The following IGSF5 variants were observed in gnomAD, a reference collection of about 807,000 sequenced individuals.
IGSF5 encodes the protein immunoglobulin superfamily 5 like.
Under a neutral mutation model 39.4 loss-of-function variants are expected in IGSF5, and 41 were observed. The observed-to-expected ratio is 1.04, with a 90% CI of 0.81 to 1.35. The LOEUF is 1.35. Among genes scored for constraint, IGSF5 ranks in the 40% most tolerant of loss-of-function variants. IGSF5 has a pLI of 0.00. For synonymous variants in IGSF5, 183 were observed against 175.3 expected (o/e 1.04, Z -0.34); for missense variants, 487 against 494.6 (o/e 0.98, Z 0.15).
At chr21:39,792,770 T>G (rs566937722) in intron 7 of IGSF5, among the ~76,000 whole-genome samples, 1 of 152,180 alleles carries the variant, frequency 6.6e-6, no homozygotes, top group African/African-American at 2.4e-5. Context: ...AGAGTGATAA[T>G]GCAGTGAGGG....
At chr21:39,767,913 G>C (rs1231348571) in intron 3 of IGSF5, among the ~76,000 whole-genome samples, 1 of 152,206 alleles carries the variant, frequency 6.6e-6, no homozygotes, top group Non-Finnish European at 1.5e-5. Context: ...GAAAGCAAGA[G>C]AGGAGGAGGG....
intron 2 of IGSF5, among the ~76,000 whole-genome samples, chr21:39,751,907 C>T (rs552020552): frequency 1.3e-5 from 2 of 152,272 alleles, no homozygotes; most frequent in East Asian, 1.9e-4. Flanking sequence ...TGGAGTCTTC[C>T]GAGTGCAGGA....
chr21:39,792,545 T>TA (rs397738698), intron 7 of IGSF5, among the ~76,000 whole-genome samples: 3 of 151,806 alleles, frequency 2.0e-5, no homozygotes, highest in Non-Finnish European at 4.4e-5. Context: ...AATTGTTTTT[T>TA]CCCCATGCTT....
intron 5 of IGSF5, among the ~76,000 whole-genome samples, chr21:39,786,534 G>A (rs1208135708): frequency 6.8e-6 from 1 of 146,640 alleles, no homozygotes; most frequent in African/African-American, 2.6e-5. Flanking sequence ...TTCAACCATT[G>A]TGGAAGTCGG....
chr21:39,734,443 C>T, the IGSF5 span, among the ~76,000 whole-genome samples: 10 of 134,008 alleles, frequency 7.5e-5, no homozygotes, highest in South Asian at 2.3e-4. Flanking sequence ...AAAAAATACA[C>T]ACACACACAC....
At chr21:39,726,868 T>C in the IGSF5 span, among the ~76,000 whole-genome samples, 2 of 151,958 alleles carry the variant, frequency 1.3e-5, no homozygotes, top group Non-Finnish European at 2.9e-5. Context: ...AGGTGTGCCA[T>C]GAATGCATGA....
the IGSF5 span, among the ~76,000 whole-genome samples, chr21:39,715,744 T>C: frequency 1.3e-5 from 2 of 152,340 alleles, no homozygotes; most frequent in African/African-American, 4.8e-5. Flanking sequence ...AATTTCATTT[T>C]ATGCAAGAAG....
intron 6 of IGSF5, among the ~76,000 whole-genome samples, chr21:39,790,391 G>T (rs1038771147): frequency 6.6e-6 from 1 of 152,154 alleles, no homozygotes; most frequent in African/African-American, 2.4e-5. Context: ...CAGGCGTGGT[G>T]GCTCACTCCT....
intron 2 of IGSF5, among the ~76,000 whole-genome samples, chr21:39,748,301 C>CTT (rs60669244): frequency 0.079 from 4,596 of 57,974 alleles, 1,208 homozygotes; most frequent in Middle Eastern, 0.11. Context: ...AAAACAAGAT[C>CTT]TTTTTTTTTT....
intron 8 of IGSF5, among the ~76,000 whole-genome samples, chr21:39,798,177 C>T (rs1305692338): frequency 1.3e-5 from 2 of 152,156 alleles, no homozygotes; most frequent in Non-Finnish European, 2.9e-5. Context: ...CTCAATGTGG[C>T]TAGGCTTAAG....
At chr21:39,744,545 G>A (rs1331588848), upstream of IGSF5, among the ~76,000 whole-genome samples, 1 of 152,166 alleles carries the variant, frequency 6.6e-6, no homozygotes, top group African/African-American at 2.4e-5. Flanking sequence ...AATCACCTGG[G>A]AGGAACCATC....
At chr21:39,793,501 C>G (rs753617476) in intron 7 of IGSF5, 33 bp from the exon 8 acceptor site, 1 of 1,579,276 alleles carries the variant, frequency 6.3e-7, no homozygotes, top group Non-Finnish European at 8.7e-7. Context: ...GTTTTTGCCA[C>G]TTAATGACTC....
the IGSF5 span, among the ~76,000 whole-genome samples, chr21:39,739,118 C>T: frequency 8.6e-5 from 13 of 151,920 alleles, no homozygotes; most frequent in East Asian, 1.2e-3. Context: ...TTGGTAGAGA[C>T]GGGGTTTTGC....
intron 2 of IGSF5, 129 bp downstream of exon 2, chr21:39,746,427 C>G (rs955986483): frequency 5.3e-6 from 3 of 562,222 alleles, no homozygotes; most frequent in Admixed American, 6.4e-5. Context: ...GGGGGTTGCT[C>G]CCATCCCTCT....
At chr21:39,722,278 G>A in the IGSF5 span, among the ~76,000 whole-genome samples, 4 of 152,308 alleles carry the variant, frequency 2.6e-5, no homozygotes, top group Non-Finnish European at 5.9e-5. Context: ...ACCATGACAA[G>A]TGCTGTACTC....
At chr21:39,719,923 C>T in the IGSF5 span, among the ~76,000 whole-genome samples, 3 of 152,294 alleles carry the variant, frequency 2.0e-5, no homozygotes, top group South Asian at 2.1e-4. Flanking sequence ...CTTGGCAATT[C>T]GACATGTGGA....
chr21:39,785,725 T>C (rs1033029578), intron 5 of IGSF5, among the ~76,000 whole-genome samples: 3 of 152,034 alleles, frequency 2.0e-5, no homozygotes, highest in Non-Finnish European at 4.4e-5. Context: ...TATCCTCTTT[T>C]ATTTCCTTGA....
At chr21:39,736,833 T>TA in the IGSF5 span, among the ~76,000 whole-genome samples, 1 of 152,200 alleles carries the variant, frequency 6.6e-6, no homozygotes, top group African/African-American at 2.4e-5. Flanking sequence ...GCCGGGCATC[T>TA]TGGTGAGGGG....
upstream of IGSF5, among the ~76,000 whole-genome samples, chr21:39,741,553 G>A (rs909461332): frequency 3.3e-5 from 5 of 152,148 alleles, no homozygotes; most frequent in African/African-American, 4.8e-5. Context: ...GTTTCTGAAC[G>A]GGCAGCTAAA....
Sources: gnomAD v4.1 joint callset for allele counts (sites outside exome capture counted in the v4.1 genomes callset) on GRCh38, gnomAD v4.1.1 for gene constraint, MANE v1.5 for transcripts, NCBI Gene and HGNC (gene_info 2026-07-23, HGNC 2026-07-21) for gene names.